The following PLRG1 variants were observed in gnomAD, a reference collection of about 807,000 sequenced individuals.
PLRG1 encodes pleiotropic regulator 1, also known as pleiotropic regulator 1 (PRL1 homolog, Arabidopsis).
In PLRG1, 28 loss-of-function variants were observed where a neutral mutation model predicts 74.9. The ratio of observed to expected loss-of-function variants is 0.37; its 90% CI spans 0.28 to 0.51. The LOEUF (loss-of-function observed/expected upper bound fraction) is 0.51. PLRG1 is among the 20% of genes least tolerant of loss of function. The probability of loss-of-function intolerance (pLI) is 0.91; values close to 1 mark genes in which losing one functional copy is unlikely to be tolerated. For missense variants in PLRG1, 445 were observed against 631.9 expected, an observed-to-expected ratio of 0.70 and a Z score of 3.17; for synonymous variants, 197 against 212.4, an observed-to-expected ratio of 0.93 and a Z score of 0.63.
chr4:154,550,292 C>A lies in PLRG1; in HGVS notation c.9+8G>T. ...AAACGACTCTTGAGAGCCCCAGTGT[C>A]ACTTTACCTCGACCATGATGCTACC... On this transcript the variant is annotated splice_region_variant and intron_variant, in intron 1 of 14. Transcript: ENST00000499023. 1 of 1,613,412 alleles carries A rather than the reference C, an allele frequency of 6.2e-7. No individual in the cohort carries two copies. Among genetic ancestry groups the A allele is most frequent in the Non-Finnish European group, 8.5e-7 (1 of 1,179,290 alleles).
chr4:154,542,313 G>T, intron 7 of PLRG1, 34 bp from the exon 8 acceptor site: 1 of 1,336,172 alleles, frequency 7.5e-7, no homozygotes, highest in Non-Finnish European at 1.1e-6. Context: ...GCAGGCCAAC[G>T]TAGAAGTTAA....
At chr4:154,544,885 A>T (rs965057923) in intron 6 of PLRG1, among the ~76,000 whole-genome samples, 2 of 152,214 alleles carry the variant, frequency 1.3e-5, no homozygotes, top group African/African-American at 4.8e-5. Flanking sequence ...CAAAGATTTA[A>T]TAAGTAGTAA....
rs1244941989 is a variant in PLRG1 at position 154,535,132 on chromosome 4, A to G, written c.*1553T>C. On this transcript the variant is annotated 3_prime_UTR_variant, in exon 15 of 15. Transcript: ENST00000499023. ...TCTGCTTCCTAACAAAGCCACTGTT[A>G]GTAATGTGGTGTTACTTATATTTTA... 6.6e-6 allele frequency: 1 copy of G among 152,118 alleles called. No homozygotes were observed. Among genetic ancestry groups the G allele is most frequent in the African/African-American group, 2.4e-5 (1 of 41,434 alleles). 9.4% of individuals were successfully genotyped at this position (152,118 alleles called of 1,614,324 possible).
intron 11 of PLRG1, 48 bp downstream of exon 11, chr4:154,539,903 T>C: frequency 1.1e-6 from 1 of 885,380 alleles, no homozygotes; most frequent in Non-Finnish European, 1.9e-6. Context: ...TATAATAACA[T>C]GGATTCTGAC....
At chr4:154,540,494 C>T in intron 10 of PLRG1, 100 bp downstream of exon 10, 3 of 805,184 alleles carry the variant, frequency 3.7e-6, no homozygotes, top group Non-Finnish European at 6.4e-6. Context: ...AGACAGCTAT[C>T]TTTAATTCTC....
chr4:154,547,249 G>A (rs1018941451), intron 3 of PLRG1, among the ~76,000 whole-genome samples, 185 bp from the exon 4 acceptor site: 3 of 152,128 alleles, frequency 2.0e-5, no homozygotes, highest in Non-Finnish European at 2.9e-5. Context: ...CCATGTCCTT[G>A]ACCATTTGCT....
Position 154,545,855 on chromosome 4 carries a change from T to C in PLRG1, c.473A>G (p.Gln158Arg). 1 of 1,610,186 alleles carries C rather than the reference T, an allele frequency of 6.2e-7. No homozygotes were observed. Among genetic ancestry groups the C allele is most frequent in the South Asian group, 1.1e-5 (1 of 90,958 alleles). The change falls in exon 6 of 15, where the codon CAG becomes CGG. Residue 158 changes from glutamine (Q) to arginine (R), a missense_variant. Physicochemically the swap from Gln to Arg is conservative, Grantham distance 43. Around this residue, in one of 3 missense-constraint regions of PLRG1, gnomAD observed 206 missense variants for 210.8 expected, o/e 0.98. Coordinates refer to ENST00000499023, the MANE Select transcript of PLRG1 (RefSeq NM_002669.4). ...ACTTACTGAATTCATCGCTGTAGGCTGTGGACGGTCAGAAGCCCCAGGATG... is the reference window on the plus strand; with the variant it reads ...ACTTACTGAATTCATCGCTGTAGGCCGTGGACGGTCAGAAGCCCCAGGATG... ...YRHPGASDRP[Q>R]PTAMNSIVME...
intron 11 of PLRG1, 63 bp from the exon 12 acceptor site, chr4:154,539,276 T>C (rs1729510706): frequency 2.1e-6 from 2 of 963,936 alleles, no homozygotes; most frequent in South Asian, 2.7e-5. Flanking sequence ...AAAAGTTAAA[T>C]AAAATACAAA....
intron 12 of PLRG1, 105 bp downstream of exon 12, chr4:154,539,000 A>T (rs1421355629): frequency 2.7e-6 from 2 of 729,924 alleles, no homozygotes; most frequent in Non-Finnish European, 5.0e-6. Flanking sequence ...CCTAGAAATG[A>T]CAGCAGCTAA....
intron 6 of PLRG1, among the ~76,000 whole-genome samples, chr4:154,545,153 C>G (rs1729627432): frequency 6.6e-6 from 1 of 152,076 alleles, no homozygotes; most frequent in Non-Finnish European, 1.5e-5. Context: ...AAATTATACC[C>G]TCATAAGGAG....
chr4:154,536,915 T>C (rs1392559815), intron 14 of PLRG1, among the ~76,000 whole-genome samples, 171 bp from the exon 15 acceptor site: 3 of 151,662 alleles, frequency 2.0e-5, no homozygotes, highest in African/African-American at 4.9e-5. Flanking sequence ...CCAAGTCTAA[T>C]AACAGATGGA....
intron 8 of PLRG1, among the ~76,000 whole-genome samples, chr4:154,541,676 G>T (rs910179005): frequency 1.5e-4 from 23 of 152,194 alleles, no homozygotes; most frequent in Non-Finnish European, 1.0e-4. Context: ...TTTTTCACAG[G>T]AATATGCCTT....
chr4:154,538,686 G>A (rs1178726211), intron 12 of PLRG1, among the ~76,000 whole-genome samples: 1 of 151,826 alleles, frequency 6.6e-6, no homozygotes, highest in Non-Finnish European at 1.5e-5. Context: ...CCACCTTTTT[G>A]GATACTCTGA....
chr4:154,549,551 A>C (rs1729720683), intron 1 of PLRG1: 1 of 391,836 alleles, frequency 2.6e-6, no homozygotes, highest in Non-Finnish European at 5.1e-6. Context: ...CTGCAAGGGT[A>C]GACAAGGTCC....
chr4:154,542,061 ACTC>A, intron 8 of PLRG1, 123 bp downstream of exon 8: 1 of 638,946 alleles, frequency 1.6e-6, no homozygotes, highest in Non-Finnish European at 2.8e-6. Context: ...GATAAATTTT[ACTC>A]CTTATTCAGG....
Sources: gnomAD v4.1 joint callset for allele counts (sites outside exome capture counted in the v4.1 genomes callset) on GRCh38, gnomAD v4.1.1 for gene constraint, gnomAD v4.1.1 regional missense constraint, MANE v1.5 for transcripts, NCBI Gene and HGNC (gene_info 2026-07-23, HGNC 2026-07-21) for gene names.